Variants in GLS observed in about 807,000 individuals in gnomAD.
GLS encodes the protein glutaminase.
In GLS, 36 loss-of-function variants were observed where a neutral mutation model predicts 86.7. The ratio of observed to expected loss-of-function variants is 0.42; its 90% CI spans 0.32 to 0.55. GLS has a LOEUF of 0.55. Among genes scored for constraint, GLS ranks in the 20% least tolerant of loss-of-function variants. GLS has a pLI of 0.17. For missense variants in GLS, 528 were observed against 833.4 expected (o/e 0.63, Z 4.51); for synonymous variants, 317 against 305.9 (o/e 1.04, Z -0.38).
chr2:190,929,566 T>G lies in GLS; in HGVS notation c.1426-871T>G, dbSNP rs553388061. 2.7e-4 allele frequency among the ~76,000 whole-genome samples: 40 copies of G among 150,880 alleles called. 1 individual carries two copies. In the East Asian group the frequency reaches 7.8e-3, roughly 30 times the overall value. On this transcript the variant is annotated intron_variant, in intron 12 of 17. Transcript: ENST00000320717. The stretch of plus-strand genomic sequence containing the variant: ...CTCACTGCAACCTCTGCCTCCCAGG[T>G]TCAAGCGATTCTCCTGCCGCAGCCT...
chr2:190,918,227 T>A (rs1689608207), intron 7 of GLS, among the ~76,000 whole-genome samples: 1 of 152,198 alleles, frequency 6.6e-6, no homozygotes, highest in Admixed American at 6.5e-5. Flanking sequence ...TTCATCTACA[T>A]TTAAAACCTG....
Position 190,905,107 on chromosome 2 carries a change from C to A in GLS, c.919C>A (p.Arg307=), listed in dbSNP as rs770995764. ...VNDLGTEYVH[R]YVGKEPSGLR... Reference sequence around the variant, plus strand: ...TGATCTTGGAACTGAATATGTGCATCGATATGTTGGAAAAGAGCCGAGTGG... The same window carrying A: ...TGATCTTGGAACTGAATATGTGCATAGATATGTTGGAAAAGAGCCGAGTGG... Residue 307 remains arginine, a synonymous_variant, in exon 6 of 18, where the codon CGA becomes AGA. Transcript: ENST00000320717. The surrounding 1 kb of genome is among the most constrained non-coding windows in gnomAD (Gnocchi z 4.6). 18 of 1,603,944 alleles carry A rather than the reference C, an allele frequency of 1.1e-5. No homozygotes were observed. Among genetic ancestry groups the A allele is most frequent in the Non-Finnish European group, 1.5e-5 (18 of 1,171,082 alleles).
chr2:190,946,787 T>C (rs1346036930), intron 14 of GLS, among the ~76,000 whole-genome samples: 1 of 152,198 alleles, frequency 6.6e-6, no homozygotes, highest in Non-Finnish European at 1.5e-5. Context: ...GCTAAATTGA[T>C]ATTTAATCCG....
At chr2:190,892,644 G>C (rs1688603099) in intron 1 of GLS, among the ~76,000 whole-genome samples, 1 of 152,162 alleles carries the variant, frequency 6.6e-6, no homozygotes, top group Admixed American at 6.5e-5. Context: ...ATGATCTTGA[G>C]TAGTTTCTGC....
rs554568646 is a variant in GLS at position 190,895,304 on chromosome 2, T to A, written c.483+56T>A. ...AAAAAAATCAATAATAATAAATATA[T>A]ACAGTATTATTGAAATATAGTCTTA... is the stretch of plus-strand genomic sequence containing the variant. On this transcript the variant is annotated intron_variant, in intron 2 of 17. Coordinates refer to ENST00000320717, the MANE Select transcript of GLS (RefSeq NM_014905.5). The surrounding 1 kb of genome is among the most constrained non-coding windows in gnomAD (Gnocchi z 4.2). The A allele has an allele frequency of 8.1e-5, 57 of 705,248 alleles. 1 individual carries two copies. In the East Asian group the frequency reaches 1.0e-3, roughly 13 times the overall value. The allele number at this position is 705,248 out of a possible 1,614,324, so 43.7% of individuals were successfully genotyped here.
intron 1 of GLS, among the ~76,000 whole-genome samples, chr2:190,893,371 G>A (rs1431907708): frequency 6.6e-6 from 1 of 152,144 alleles, no homozygotes; most frequent in East Asian, 1.9e-4. Context: ...CCTAATCTGT[G>A]AAATGGGGAC....
intron 7 of GLS, among the ~76,000 whole-genome samples, chr2:190,916,907 G>A (rs965527722): frequency 2.0e-5 from 3 of 152,162 alleles, no homozygotes; most frequent in Non-Finnish European, 4.4e-5. Context: ...GAAATGCTAA[G>A]GATCATCGGA....
intron 3 of GLS, among the ~76,000 whole-genome samples, chr2:190,898,802 T>C (rs1688841761): frequency 6.6e-6 from 1 of 152,194 alleles, no homozygotes; most frequent in Admixed American, 6.5e-5. Context: ...CGGCTAATTT[T>C]GTATTTTTAG....
rs1164097746 is a variant in GLS at position 190,905,708 on chromosome 2, A to G, written c.979+541A>G. On this transcript the variant is annotated intron_variant, in intron 6 of 17. Coordinates refer to ENST00000320717, the MANE Select transcript of GLS (RefSeq NM_014905.5). The surrounding 1 kb of genome is among the most constrained non-coding windows in gnomAD (Gnocchi z 4.6). Reference sequence around the variant, plus strand: ...TAATGCTTGGTTAACAAATCTTTTTACAGGAATTCAAAAGAAAAGGGGAGG... The same window carrying G: ...TAATGCTTGGTTAACAAATCTTTTTGCAGGAATTCAAAAGAAAAGGGGAGG... 6.6e-6 allele frequency among the ~76,000 whole-genome samples: 1 copy of G among 152,152 alleles called. No homozygotes were observed. Among genetic ancestry groups the G allele is most frequent in the African/African-American group, 2.4e-5 (1 of 41,444 alleles).
intron 7 of GLS, among the ~76,000 whole-genome samples, chr2:190,915,298 C>T (rs1331957000): frequency 1.3e-5 from 2 of 151,954 alleles, no homozygotes; most frequent in Admixed American, 6.6e-5. Context: ...CCGCGCCCGG[C>T]CTAAATTTGT....
rs957890199 is a variant in GLS at position 190,897,117 on chromosome 2, C to T, written c.605+1392C>T. 6.6e-6 allele frequency among the ~76,000 whole-genome samples: 1 copy of T among 151,916 alleles called. No homozygotes were observed. Among genetic ancestry groups the T allele is most frequent in the African/African-American group, 2.4e-5 (1 of 41,320 alleles). ...GATCTTGGCTCACTACAACCTCTGC[C>T]TCCCGGGTTCAAGTGATTCTCCCAC... On this transcript the variant is annotated intron_variant, in intron 3 of 17. Coordinates refer to ENST00000320717, the MANE Select transcript of GLS (RefSeq NM_014905.5). This position sits in a 1 kb window ranked among gnomAD's most constrained non-coding sequence, Gnocchi z 4.3.
chr2:190,923,257 TATTA>T (rs1457000832), intron 9 of GLS, among the ~76,000 whole-genome samples: 2 of 152,352 alleles, frequency 1.3e-5, no homozygotes, highest in African/African-American at 4.8e-5. Context: ...AGTCAGGAGC[TATTA>T]ATTATTTGGC....
intron 17 of GLS, among the ~76,000 whole-genome samples, chr2:190,961,687 C>CTT (rs1691004009): frequency 1.6e-5 from 1 of 61,804 alleles, no homozygotes. Flanking sequence ...CTTAATTCAG[C>CTT]TGTTTTTTTT....
In GLS at chr2:190,935,105, A is replaced by G. The variant is rs1360809942; in HGVS notation, c.1650+3468A>G. The G allele has an allele frequency of 1.1e-6, 1 of 943,630 alleles. No individual in the cohort carries two copies. Among genetic ancestry groups the G allele is most frequent in the Non-Finnish European group, 1.3e-6 (1 of 792,186 alleles). 58.5% of individuals were successfully genotyped at this position (943,630 alleles called of 1,614,324 possible). ...CTTTTTTTGGCATCATTAACATTTCATTTGAAATGCATATTGTTCTTGAAG... is the reference window on the plus strand; with the variant it reads ...CTTTTTTTGGCATCATTAACATTTCGTTTGAAATGCATATTGTTCTTGAAG... On this transcript the variant is annotated intron_variant, in intron 14 of 17. Transcript: ENST00000320717. The surrounding 1 kb of genome is among the most constrained non-coding windows in gnomAD (Gnocchi z 4.2).
At chr2:190,919,882 G>C (rs1689679397) in intron 7 of GLS, 1 of 160,364 alleles carries the variant, frequency 6.2e-6, no homozygotes, top group Non-Finnish European at 1.3e-5. Context: ...TGATGAAATA[G>C]TATGGTGTTC....
At chr2:190,940,493 C>G (rs1285189516) in intron 14 of GLS, among the ~76,000 whole-genome samples, 1 of 152,068 alleles carries the variant, frequency 6.6e-6, no homozygotes, top group Non-Finnish European at 1.5e-5. Flanking sequence ...TAACTTCCAC[C>G]TATCTGAATG....
Position 190,900,644 on chromosome 2 carries a change from C to A in GLS, c.686C>A (p.Ser229Ter). The change falls in exon 4 of 18, where the codon TCA becomes TAA. Residue 229 changes from serine to a stop codon, truncating the protein, a stop_gained. Coordinates refer to ENST00000320717, the MANE Select transcript of GLS (RefSeq NM_014905.5). LOFTEE classifies it high-confidence loss of function. ...ATTCCTGACTTTATGTCTTTTACCTCACACATTGATGAGTTATATGAAAGT... is the reference window on the plus strand; with the variant it reads ...ATTCCTGACTTTATGTCTTTTACCTAACACATTGATGAGTTATATGAAAGT... ...FVIPDFMSFT[S>*]HIDELYESAK... 6.2e-7 allele frequency: 1 copy of A among 1,603,762 alleles called. No individual in the cohort carries two copies. Among genetic ancestry groups the A allele is most frequent in the Non-Finnish European group, 8.5e-7 (1 of 1,171,172 alleles).
chr2:190,927,641 A>G (rs1689942990), intron 12 of GLS, 159 bp downstream of exon 12: 4 of 568,488 alleles, frequency 7.0e-6, no homozygotes, highest in South Asian at 6.6e-5. Context: ...TAAGGAATAG[A>G]GATAAGGTCT....
At chr2:190,934,096 C>T in intron 14 of GLS, 1 of 976,226 alleles carries the variant, frequency 1.0e-6, no homozygotes, top group Non-Finnish European at 1.2e-6. Context: ...CTCTGGTTTT[C>T]CCCATAGTTC....
Sources: gnomAD v4.1 joint callset for allele counts (sites outside exome capture counted in the v4.1 genomes callset) on GRCh38, gnomAD v4.1.1 for gene constraint, Gnocchi (gnomAD v3.1) non-coding constraint, MANE v1.5 for transcripts, NCBI Gene and HGNC (gene_info 2026-07-23, HGNC 2026-07-21) for gene names.